The following DIAPH3 variants were observed in gnomAD, a reference collection of about 807,000 sequenced individuals.
DIAPH3 encodes the protein protein diaphanous homolog 3.
A neutral mutation model predicts 144.3 loss-of-function variants in DIAPH3; 117 were observed. The ratio of observed to expected loss-of-function variants is 0.81; its 90% confidence interval spans 0.70 to 0.95. The LOEUF (loss-of-function observed/expected upper bound fraction) is 0.95. Ranked by LOEUF, DIAPH3 falls within the 40% of genes least tolerant of loss-of-function variation. The pLI, the probability that DIAPH3 is intolerant of heterozygous loss-of-function variation, is 0.00. For synonymous variants in DIAPH3, 519 were observed against 488.9 expected, an observed-to-expected ratio of 1.06 and a Z score of -0.81; for missense variants, 1,421 against 1,412.7, an observed-to-expected ratio of 1.01 and a Z score of -0.09.
At chr13:59,944,460 A>G (rs1050757201) in intron 17 of DIAPH3, among the ~76,000 whole-genome samples, 8 of 152,168 alleles carry the variant, frequency 5.3e-5, no homozygotes, top group African/African-American at 1.7e-4. Context: ...TTTTCCATAC[A>G]GTGTAGAAGA....
chr13:60,047,676 A>G (rs558297414), intron 4 of DIAPH3, among the ~76,000 whole-genome samples: 3 of 152,318 alleles, frequency 2.0e-5, no homozygotes, highest in Non-Finnish European at 2.9e-5. Context: ...TAAAACATCT[A>G]GAAGAAAACA....
At position 59,833,165 on chromosome 13, in the gene DIAPH3, T is replaced by G. The variant is rs761586647; in HGVS notation, c.2969A>C (p.Lys990Thr). ...SIIGYYAIDV[K>T]KVSVEDFLTD... ...AAGAAAGTCTTCCACAGACACCTTCTTCACATCAATGGCATAGTATCCTAT... is the reference window on the plus strand; with the variant it reads ...AAGAAAGTCTTCCACAGACACCTTCGTCACATCAATGGCATAGTATCCTAT... Residue 990 changes from lysine to threonine, a missense_variant, in exon 24 of 28, where the codon AAG (lysine) becomes ACG (threonine). Coordinates refer to ENST00000400324, the MANE Select transcript of DIAPH3 (RefSeq NM_001042517.2). 1.2e-6 allele frequency: 2 copies of G among 1,610,872 alleles called. No individual in the cohort carries two copies. The highest frequency in any genetic ancestry group is 1.7e-6 in the Non-Finnish European group (2 of 1,178,122).
At chr13:59,739,862 G>GA (rs797021855) in intron 27 of DIAPH3, among the ~76,000 whole-genome samples, 4 of 151,882 alleles carry the variant, frequency 2.6e-5, no homozygotes, top group South Asian at 2.1e-4. Context: ...AATATATTCA[G>GA]AAAAAAAAGT....
chr13:59,828,212 A>T (rs77913966), intron 24 of DIAPH3, among the ~76,000 whole-genome samples: 2 of 151,946 alleles, frequency 1.3e-5, no homozygotes, highest in Non-Finnish European at 2.9e-5. Context: ...TATTACGAAA[A>T]GATGCTGACC....
chr13:60,124,834 CA>C (rs935501504), intron 2 of DIAPH3, among the ~76,000 whole-genome samples: 130 of 139,740 alleles, frequency 9.3e-4, no homozygotes, highest in Admixed American at 9.9e-4. Flanking sequence ...GACCCTGTCT[CA>C]AAAAAAAAAA....
intron 1 of DIAPH3, among the ~76,000 whole-genome samples, chr13:60,134,757 T>C (rs891605506): frequency 1.3e-5 from 2 of 151,012 alleles, no homozygotes; most frequent in African/African-American, 4.9e-5. Context: ...GCATGCCAAG[T>C]GGCCTAATGC....
intron 27 of DIAPH3, among the ~76,000 whole-genome samples, chr13:59,701,240 C>G (rs2034096205): frequency 6.6e-6 from 1 of 152,172 alleles, no homozygotes; most frequent in Non-Finnish European, 1.5e-5. Flanking sequence ...TATGATATAA[C>G]AAAGATCTTG....
chr13:59,991,961 A>C, intron 11 of DIAPH3, 107 bp downstream of exon 11: 1 of 894,200 alleles, frequency 1.1e-6, no homozygotes. Context: ...TGAAGGTTTG[A>C]TTTCATGTTG....
chr13:59,791,142 T>A (rs918201289), intron 25 of DIAPH3, among the ~76,000 whole-genome samples: 11 of 151,930 alleles, frequency 7.2e-5, no homozygotes, highest in Non-Finnish European at 1.3e-4. Flanking sequence ...TTAAAAAAAA[T>A]TTTGTTTTAT....
chr13:60,129,202 C>A (rs1020723037), intron 2 of DIAPH3, among the ~76,000 whole-genome samples: 5 of 152,124 alleles, frequency 3.3e-5, no homozygotes, highest in African/African-American at 4.8e-5. Context: ...TCCAACTTAC[C>A]TTTTCAAACC....
chr13:60,095,844 C>G (rs913079718), intron 3 of DIAPH3, among the ~76,000 whole-genome samples: 8 of 152,102 alleles, frequency 5.3e-5, no homozygotes, highest in African/African-American at 1.9e-4. Flanking sequence ...GCTTTACCAA[C>G]AGTTGTGCTT....
chr13:60,003,449 A>T (rs1319431742), intron 9 of DIAPH3, among the ~76,000 whole-genome samples: 1 of 151,600 alleles, frequency 6.6e-6, no homozygotes, highest in Non-Finnish European at 1.5e-5. Flanking sequence ...AAAGTAATGT[A>T]TGCTTATTTT....
At chr13:59,810,029 AATACATAT>A (rs1442055910) in intron 25 of DIAPH3, among the ~76,000 whole-genome samples, 1 of 152,166 alleles carries the variant, frequency 6.6e-6, no homozygotes, top group Non-Finnish European at 1.5e-5. Context: ...AGCTTCTTGA[AATACATAT>A]ATACATATGT....
chr13:59,749,344 C>T (rs1293228226), intron 27 of DIAPH3, among the ~76,000 whole-genome samples: 4 of 149,180 alleles, frequency 2.7e-5, no homozygotes, highest in African/African-American at 9.9e-5. Context: ...CACAGTGAAA[C>T]CCCGTCTCTA....
chr13:60,104,566 GCACACA>G lies in DIAPH3; in HGVS notation c.390+7438_390+7443del, dbSNP rs10633554. Among the ~76,000 whole-genome samples the G allele has an allele frequency of 2.1e-3, 309 of 147,120 alleles. 1 individual carries two copies. Among genetic ancestry groups the G allele is most frequent in the African/African-American group, 7.0e-3 (281 of 39,886 alleles). ...CAGTTTATCCTAATGCAGTATCAAGGCACACACACACACACACACACACACACACGA... is the reference window on the plus strand; with the variant it reads ...CAGTTTATCCTAATGCAGTATCAAGGCACACACACACACACACACACACGA... On this transcript the variant is annotated intron_variant, in intron 3 of 27. Coordinates refer to ENST00000400324, the MANE Select transcript of DIAPH3 (RefSeq NM_001042517.2).
At chr13:59,950,750 A>G (rs758109066) in intron 17 of DIAPH3, among the ~76,000 whole-genome samples, 2 of 152,194 alleles carry the variant, frequency 1.3e-5, no homozygotes, top group Non-Finnish European at 2.9e-5. Context: ...TAGCTGTGAT[A>G]TAATGACTAA....
At chr13:59,724,733 A>G (rs1247653373) in intron 27 of DIAPH3, among the ~76,000 whole-genome samples, 2 of 152,220 alleles carry the variant, frequency 1.3e-5, no homozygotes, top group Non-Finnish European at 1.5e-5. Flanking sequence ...GTAGTCACAG[A>G]TAGTGAAAGA....
intron 17 of DIAPH3, among the ~76,000 whole-genome samples, chr13:59,965,538 GTAA>G (rs2049997574): frequency 1.3e-5 from 1 of 75,546 alleles, no homozygotes; most frequent in Admixed American, 1.7e-4. Flanking sequence ...TTCCAATCTG[GTAA>G]AAAAAAAAAA....
intron 4 of DIAPH3, among the ~76,000 whole-genome samples, chr13:60,054,215 C>A (rs2056471090): frequency 6.6e-6 from 1 of 151,764 alleles, no homozygotes; most frequent in Admixed American, 6.6e-5. Flanking sequence ...AACATGAAGG[C>A]CCATAATATA....
Sources: gnomAD v4.1 joint callset for allele counts (sites outside exome capture counted in the v4.1 genomes callset) on GRCh38, gnomAD v4.1.1 for gene constraint, MANE v1.5 for transcripts, NCBI Gene and HGNC (gene_info 2026-07-23, HGNC 2026-07-21) for gene names.